ZNF284: variants seen among roughly 807,000 people sequenced by gnomAD.
The protein encoded by ZNF284 is zinc finger protein 284.
Under a neutral mutation model 12.9 loss-of-function variants are expected in ZNF284, and 12 were observed. The observed-to-expected ratio is 0.93, with a 90% CI of 0.60 to 1.51. ZNF284 has a LOEUF of 1.51. Ranked by LOEUF, ZNF284 falls within the 40% of genes most tolerant of loss-of-function variation. ZNF284 has a pLI of 0.00. For missense variants in ZNF284, 667 were observed against 707.3 expected, an observed-to-expected ratio of 0.94 and a Z score of 0.65; for synonymous variants, 225 against 236.5, an observed-to-expected ratio of 0.95 and a Z score of 0.45.
chr19:44,076,548 T>C (rs1967030389), intron 2 of ZNF284, 144 bp downstream of exon 2: 3 of 802,288 alleles, frequency 3.7e-6, no homozygotes, highest in South Asian at 5.0e-5. Flanking sequence ...CTTGTTTCTT[T>C]TGTGTTGAAT....
rs769249786 is a variant in ZNF284, at chr19:44,086,007, T to C, written c.529T>C (p.Cys177Arg). ...QLHSGKISHT[C>R]NEYRKRFCYS... is the part of the protein sequence containing the mutation. ...ACACTCAGGAAAGATATCCCATACA[T>C]GTAATGAGTACAGGAAGAGATTCTG... The change falls in exon 5 of 5, where the codon TGT (cysteine) becomes CGT (arginine). Residue 177 changes from cysteine to arginine, a missense_variant. Coordinates refer to ENST00000421176, the MANE Select transcript of ZNF284 (RefSeq NM_001037813.4). 1.2e-6 allele frequency: 2 copies of C among 1,614,148 alleles called. No individual in the cohort carries two copies. The highest frequency in any genetic ancestry group is 2.2e-5 in the East Asian group (1 of 44,884).
chr19:44,080,530 G>A (rs1967104992), intron 2 of ZNF284, among the ~76,000 whole-genome samples: 1 of 152,148 alleles, frequency 6.6e-6, no homozygotes, highest in South Asian at 2.1e-4. Flanking sequence ...GGGTTGCAGT[G>A]AGCTGAAATC....
At chr19:44,073,305 A>T (rs1966976178) in intron 1 of ZNF284, among the ~76,000 whole-genome samples, 2 of 152,166 alleles carry the variant, frequency 1.3e-5, no homozygotes, top group Non-Finnish European at 2.9e-5. Flanking sequence ...TCTAGTGGGG[A>T]AAGCAAGCTA....
At chr19:44,085,639 T>C (rs927789854) in intron 4 of ZNF284, 75 bp from the exon 5 acceptor site, 4 of 1,297,514 alleles carry the variant, frequency 3.1e-6, no homozygotes, top group Non-Finnish European at 4.3e-6. Flanking sequence ...TTTCAGGCCA[T>C]GTCCTAAGTG....
In ZNF284 at chr19:44,082,011, A is replaced by T; in HGVS notation, c.143-2A>T. 2.5e-6 allele frequency: 4 copies of T among 1,611,776 alleles called. No homozygotes were observed. The highest frequency in any genetic ancestry group is 3.4e-6 in the Non-Finnish European group (4 of 1,178,912). ...GGATTAAGCATGTGACTTTGTTCACAGGGCATCAACTTTCCCACCGAGATA... is the reference window on the plus strand; with the variant it reads ...GGATTAAGCATGTGACTTTGTTCACTGGGCATCAACTTTCCCACCGAGATA... On this transcript the variant is annotated splice_acceptor_variant, in intron 3 of 4. Coordinates refer to ENST00000421176, the MANE Select transcript of ZNF284 (RefSeq NM_001037813.4). LOFTEE classifies it high-confidence loss of function.
chr19:44,086,138 T>A lies in ZNF284; in HGVS notation c.660T>A (p.Thr220=), dbSNP rs1206072790. 6.2e-7 allele frequency: 1 copy of A among 1,614,176 alleles called. No individual in the cohort carries two copies. The part of the protein sequence containing the change: ...KAFSQNSQLQ[T]HQRIHTGEKP... ...TTAGTCAGAACTCACAACTGCAAAC[T>A]CATCAGAGAATCCACACTGGAGAGA... Residue 220 remains threonine (T), a synonymous_variant, in exon 5 of 5, where the codon ACT becomes ACA. Transcript: ENST00000421176.
rs1967276278 is a variant in ZNF284, at chr19:44,087,238, C to T, written c.1760C>T (p.Ser587Leu). 6.4e-7 allele frequency: 1 copy of T among 1,565,102 alleles called. No individual in the cohort carries two copies. Among genetic ancestry groups the T allele is most frequent in the African/African-American group, 1.4e-5 (1 of 72,050 alleles). Residue 587 changes from serine to leucine, a missense_variant, in exon 5 of 5, where the codon TCA (serine) becomes TTA (leucine). Transcript: ENST00000421176. ...CGCTTGAATCTAGATATGATTTTAT[C>T]ATTATTTTTAAATGATATATAATTA... ...ERRLNLDMIL[S>L]LFLNDI
At position 44,083,632 on chromosome 19, in the gene ZNF284, T is replaced by A. The variant is rs186579161; in HGVS notation, c.235+1527T>A. On this transcript the variant is annotated intron_variant, in intron 4 of 4. Transcript: ENST00000421176. ...AAGAGGAGGACTTTTAGCTGTTCAA[T>A]TTTTATTTTAAGATTCAGGGGGTAC... Among the ~76,000 whole-genome samples, 4 of 151,810 alleles carry A rather than the reference T, an allele frequency of 2.6e-5. No homozygotes were observed. In the East Asian group the frequency reaches 7.7e-4, roughly 29 times the overall value.
chr19:44,081,727 CA>C (rs1967129694), intron 3 of ZNF284, among the ~76,000 whole-genome samples: 1 of 151,662 alleles, frequency 6.6e-6, no homozygotes, highest in Non-Finnish European at 1.5e-5. Flanking sequence ...AAAACAAAAA[CA>C]AAAACAAAAA....
chr19:44,083,495 AGAGAGAGGG>A lies in ZNF284; in HGVS notation c.235+1391_235+1399del, dbSNP rs1967167580. 2.9e-4 allele frequency among the ~76,000 whole-genome samples: 26 copies of A among 89,876 alleles called. 1 individual carries two copies. The highest frequency in any genetic ancestry group is 4.2e-4 in the South Asian group (1 of 2,368). 59.0% of individuals were successfully genotyped at this position (89,876 alleles called of 152,430 possible). The stretch of plus-strand genomic sequence containing the variant: ...TATATAGAGAGAGAGAGAGAGAGAG[AGAGAGAGGG>A]AATGGAATACCATCCTATCTTTACC... On this transcript the variant is annotated intron_variant, in intron 4 of 4. Coordinates refer to ENST00000421176, the MANE Select transcript of ZNF284 (RefSeq NM_001037813.4).
Position 44,085,980 on chromosome 19 carries a change from T to C in ZNF284, c.502T>C (p.Leu168=). 6.2e-7 allele frequency: 1 copy of C among 1,614,136 alleles called. No individual in the cohort carries two copies. Among genetic ancestry groups the C allele is most frequent in the Non-Finnish European group, 8.5e-7 (1 of 1,180,000 alleles). Residue 168 remains leucine (L), a synonymous_variant, in exon 5 of 5, where the codon TTA becomes CTA. Coordinates refer to ENST00000421176, the MANE Select transcript of ZNF284 (RefSeq NM_001037813.4). ...CTCCATCCTTGATCTTCATCAACAATTACACTCAGGAAAGATATCCCATAC... is the reference window on the plus strand; with the variant it reads ...CTCCATCCTTGATCTTCATCAACAACTACACTCAGGAAAGATATCCCATAC... ...DVSILDLHQQ[L]HSGKISHTCN... is the part of the protein sequence containing the mutation.
chr19:44,081,256 T>A, intron 3 of ZNF284, 115 bp downstream of exon 3: 1 of 1,273,896 alleles, frequency 7.8e-7, no homozygotes, highest in Non-Finnish European at 1.0e-6. Context: ...CAAGACTGGG[T>A]AATTTATAAA....
chr19:44,079,732 A>G (rs1264701537), intron 2 of ZNF284, among the ~76,000 whole-genome samples: 1 of 150,962 alleles, frequency 6.6e-6, no homozygotes, highest in Non-Finnish European at 1.5e-5. Flanking sequence ...AAACAAAACA[A>G]AAAACAGCAA....
At chr19:44,078,879 C>G (rs1440903973) in intron 2 of ZNF284, among the ~76,000 whole-genome samples, 1 of 152,158 alleles carries the variant, frequency 6.6e-6, no homozygotes, top group Non-Finnish European at 1.5e-5. Flanking sequence ...CAACCTCCGC[C>G]TCCTGGGTTC....
At chr19:44,084,624 T>C (rs899697921) in intron 4 of ZNF284, among the ~76,000 whole-genome samples, 4 of 152,144 alleles carry the variant, frequency 2.6e-5, no homozygotes, top group Non-Finnish European at 4.4e-5. Context: ...GCAGCCTCCC[T>C]GGTGTCCTTC....
chr19:44,074,855 A>C (rs1967003363), intron 1 of ZNF284, among the ~76,000 whole-genome samples: 1 of 151,962 alleles, frequency 6.6e-6, no homozygotes, highest in Non-Finnish European at 1.5e-5. Flanking sequence ...TACTTTTTTA[A>C]AATTTGAGGG....
chr19:44,074,558 G>T (rs748510691), intron 1 of ZNF284, among the ~76,000 whole-genome samples: 56 of 152,150 alleles, frequency 3.7e-4, no homozygotes, highest in Non-Finnish European at 7.1e-4. Flanking sequence ...AGAGACAGTT[G>T]CTTGTAGCTT....
chr19:44,086,228 C>T lies in ZNF284; in HGVS notation c.750C>T (p.Cys250=). The change falls in exon 5 of 5, where the codon TGC becomes TGT. Residue 250 remains cysteine, a synonymous_variant. Coordinates refer to ENST00000421176, the MANE Select transcript of ZNF284 (RefSeq NM_001037813.4). The part of the protein sequence containing the change: ...FSRRSGMYVH[C]KLHTGEKPHI... ...GTAGATCAGGAATGTATGTTCATTG[C>T]AAATTACACACAGGAGAAAAACCTC... 6.2e-7 allele frequency: 1 copy of T among 1,614,112 alleles called. No homozygotes were observed. Among genetic ancestry groups the T allele is most frequent in the Non-Finnish European group, 8.5e-7 (1 of 1,180,024 alleles).
chr19:44,086,258 T>G lies in ZNF284; in HGVS notation c.780T>G (p.Ile260Met). The change falls in exon 5 of 5, where the codon ATT becomes ATG. Residue 260 changes from isoleucine to methionine, a missense_variant. Coordinates refer to ENST00000421176, the MANE Select transcript of ZNF284 (RefSeq NM_001037813.4). Reference protein sequence around the residue: ...CKLHTGEKPHICEECGKAFIH... With the variant: ...CKLHTGEKPHMCEECGKAFIH... ...TACACACAGGAGAAAAACCTCATAT[T>G]TGTGAGGAATGTGGGAAGGCCTTCA... is the stretch of plus-strand genomic sequence containing the variant. 1 of 1,614,174 alleles carries G rather than the reference T, an allele frequency of 6.2e-7. No individual in the cohort carries two copies. Among genetic ancestry groups the G allele is most frequent in the Non-Finnish European group, 8.5e-7 (1 of 1,180,014 alleles).
Sources: allele counts gnomAD v4.1 joint callset (sites outside exome capture counted in the v4.1 genomes callset), GRCh38; gene constraint gnomAD v4.1.1; transcripts MANE v1.5; gene names NCBI Gene and HGNC (gene_info 2026-07-23, HGNC 2026-07-21).